BPHL: variants seen among roughly 807,000 people sequenced by gnomAD.
BPHL encodes biphenyl hydrolase like, also known as serine hydrolase BPHL.
BPHL carries 27 observed loss-of-function variants against 31.2 expected under a neutral mutation model. That is an observed-to-expected ratio of 0.87 (90% CI 0.64 to 1.19). The LOEUF (loss-of-function observed/expected upper bound fraction) is 1.19, where lower values mean the gene tolerates loss of function less well. BPHL is among the 50% of genes most tolerant of loss of function. BPHL has a pLI of 0.00. For missense variants in BPHL, 356 were observed against 375.7 expected, an observed-to-expected ratio of 0.95 and a Z score of 0.43; for synonymous variants, 150 against 146.8, an observed-to-expected ratio of 1.02 and a Z score of -0.16.
intron 1 of BPHL, chr6:3,119,596 A>G (rs1427765537): frequency 6.4e-7 from 1 of 1,554,102 alleles, no homozygotes; most frequent in East Asian, 2.2e-5. Context: ...GATACTGGGC[A>G]GAAATGTGGA....
At chr6:3,124,484 C>T (rs1761661412) in intron 2 of BPHL, among the ~76,000 whole-genome samples, 1 of 152,098 alleles carries the variant, frequency 6.6e-6, no homozygotes, top group African/African-American at 2.4e-5. Context: ...ATCCAGGAAG[C>T]CCTCAGATCC....
chr6:3,138,183 CA>C (rs1476586697), intron 5 of BPHL: 7 of 316,774 alleles, frequency 2.2e-5, no homozygotes, highest in Non-Finnish European at 4.3e-5. Context: ...CACACAGGCA[CA>C]TTTTTTTTGT....
intron 4 of BPHL, among the ~76,000 whole-genome samples, chr6:3,131,475 T>C (rs1761865782): frequency 6.6e-6 from 1 of 152,158 alleles, no homozygotes; most frequent in South Asian, 2.1e-4. Context: ...CCTCCAGTTA[T>C]CCTCACCTCT....
At chr6:3,139,393 C>A (rs1197912090) in intron 5 of BPHL, 1 of 152,164 alleles carries the variant, frequency 6.6e-6, no homozygotes, top group Non-Finnish European at 1.5e-5. Flanking sequence ...TTGATCATCA[C>A]GTGATGATGC....
chr6:3,147,316 G>A (rs1762412316), intron 6 of BPHL, among the ~76,000 whole-genome samples: 1 of 152,180 alleles, frequency 6.6e-6, no homozygotes, highest in African/African-American at 2.4e-5. Flanking sequence ...CACTTTTGAG[G>A]ATGGAATGCT....
chr6:3,146,108 G>A lies in BPHL; in HGVS notation c.788+5599G>A, dbSNP rs183963607. ...TGATGTGGGTTGGAGTGCTGGTTCCGGTTGGAGTGCTGGTTCGGGTCGGAG... is the reference window on the plus strand; with the variant it reads ...TGATGTGGGTTGGAGTGCTGGTTCCAGTTGGAGTGCTGGTTCGGGTCGGAG... On this transcript the variant is annotated intron_variant, in intron 6 of 6. Coordinates refer to ENST00000380379, the MANE Select transcript of BPHL (RefSeq NM_004332.4). Among the ~76,000 whole-genome samples the A allele has an allele frequency of 1.5e-4, 9 of 60,910 alleles. 2 individuals are homozygous for A. Among genetic ancestry groups the A allele is most frequent in the Non-Finnish European group, 2.3e-4 (6 of 26,370 alleles). The allele number at this position is 60,910 out of a possible 152,430, so 40.0% of individuals were successfully genotyped here.
In BPHL at chr6:3,123,669, C is replaced by T. The variant is rs114798196; in HGVS notation, c.120C>T (p.Thr40=). 5 of 1,613,418 alleles carry T rather than the reference C, an allele frequency of 3.1e-6. No individual in the cohort carries two copies. The South Asian group carries it at 5.5e-5, about 18-fold the overall frequency. The change falls in exon 2 of 7, where the codon ACC becomes ACT. Residue 40 remains threonine, a synonymous_variant. Transcript: ENST00000380379. ...TTTTCTCTTCTAGCACCTCGGTAAC[C>T]TCTGCCAAAGTGGCTGTGAATGGCG... ...GPAAAFGTSV[T]SAKVAVNGVQ... is the part of the protein sequence containing the mutation.
chr6:3,138,132 C>CCTCA (rs1472211976), intron 5 of BPHL: 8 of 594,628 alleles, frequency 1.3e-5, no homozygotes, highest in Admixed American at 8.1e-5. Flanking sequence ...GATTGCTCTG[C>CCTCA]CTCAGCCTCC....
chr6:3,122,301 AAAAAT>A lies in BPHL; in HGVS notation c.108-1351_108-1347del, dbSNP rs1235125759. On this transcript the variant is annotated intron_variant, in intron 1 of 6. Transcript: ENST00000380379. The stretch of plus-strand genomic sequence containing the variant: ...TCTCAAAAAATAAATAAATAAAAAT[AAAAAT>A]AAAAGGAGATGGTGGTTGATTTCAT... Among the ~76,000 whole-genome samples the A allele has an allele frequency of 2.6e-5, 4 of 152,156 alleles. No homozygotes were observed. In the East Asian group the frequency reaches 7.7e-4, roughly 29 times the overall value.
chr6:3,119,159 C>A, intron 1 of BPHL: 2 of 871,262 alleles, frequency 2.3e-6, no homozygotes, highest in Non-Finnish European at 3.6e-6. Context: ...ATACATTTGC[C>A]TGTAGTATGG....
At chr6:3,146,255 CG>C (rs1762354101) in intron 6 of BPHL, among the ~76,000 whole-genome samples, 1 of 12,248 alleles carries the variant, frequency 8.2e-5, no homozygotes, top group Non-Finnish European at 1.8e-4. Flanking sequence ...TGATTCGGGT[CG>C]GAGTGCTGGT....
At position 3,132,096 on chromosome 6, in the gene BPHL, G is replaced by A. The variant is rs77844700; in HGVS notation, c.532+2898G>A. 3.2e-3 allele frequency among the ~76,000 whole-genome samples: 484 copies of A among 152,204 alleles called. 1 individual carries two copies. Among genetic ancestry groups the A allele is most frequent in the African/African-American group, 0.011 (464 of 41,524 alleles). On this transcript the variant is annotated intron_variant, in intron 4 of 6. Coordinates refer to ENST00000380379, the MANE Select transcript of BPHL (RefSeq NM_004332.4). ...AGCGCAGCACTCTTTACTCTCTGAC[G>A]TCTCGCTACTTCCCCTCCTGGCTAC...
In BPHL at chr6:3,127,272, T is replaced by C. The variant is rs757239256; in HGVS notation, c.242T>C (p.Leu81Pro). 1.1e-5 allele frequency: 18 copies of C among 1,583,550 alleles called. No homozygotes were observed. Among genetic ancestry groups the C allele is most frequent in the Non-Finnish European group, 1.5e-5 (18 of 1,161,710 alleles). Reference protein sequence around the residue: ...GSGETDFGPQLKNLNKKLFTV... With the variant: ...GSGETDFGPQPKNLNKKLFTV... ...GGAGAGACTGATTTTGGACCTCAGC[T>C]CAAGAACCTCAATAAGAAGCTCTTC... is the stretch of plus-strand genomic sequence containing the variant. Residue 81 changes from leucine to proline, a missense_variant, in exon 3 of 7, where the codon CTC (leucine) becomes CCC (proline). Coordinates refer to ENST00000380379, the MANE Select transcript of BPHL (RefSeq NM_004332.4).
At position 3,153,088 on chromosome 6, in the gene BPHL, C is replaced by T. The variant is rs915200450; in HGVS notation, c.*513C>T. Reference sequence around the variant, plus strand: ...GGAATAAAGCCTCTAACTTCAATAGCTATGAAAATTAAATCCGATTTTCTA... The same window carrying T: ...GGAATAAAGCCTCTAACTTCAATAGTTATGAAAATTAAATCCGATTTTCTA... On this transcript the variant is annotated 3_prime_UTR_variant, in exon 7 of 7. Coordinates refer to ENST00000380379, the MANE Select transcript of BPHL (RefSeq NM_004332.4). 6.6e-6 allele frequency: 1 copy of T among 151,988 alleles called. No individual in the cohort carries two copies. The highest frequency in any genetic ancestry group is 1.5e-5 in the Non-Finnish European group (1 of 68,024). 9.4% of individuals were successfully genotyped at this position (151,988 alleles called of 1,614,324 possible). A position where few individuals can be genotyped will look rare whatever the true frequency, so the allele number is the denominator to read the frequency against.
In BPHL at chr6:3,145,899, G is replaced by A. The variant is rs575219180; in HGVS notation, c.788+5390G>A. Among the ~76,000 whole-genome samples, 8 of 65,662 alleles carry A rather than the reference G, an allele frequency of 1.2e-4. 1 individual carries two copies. The highest frequency in any genetic ancestry group is 4.6e-4 in the African/African-American group (8 of 17,394). The allele number at this position is 65,662 out of a possible 152,430, so 43.1% of individuals were successfully genotyped here. On this transcript the variant is annotated intron_variant, in intron 6 of 6. Coordinates refer to ENST00000380379, the MANE Select transcript of BPHL (RefSeq NM_004332.4). ...TTGGGTCGGAGTGCTGGTTTGGGTC[G>A]AGTGCTGGTTTGGGTTGGAGTGCTG...
intron 2 of BPHL, among the ~76,000 whole-genome samples, chr6:3,125,234 G>A (rs1761682808): frequency 6.6e-6 from 1 of 151,928 alleles, no homozygotes; most frequent in East Asian, 1.9e-4. Context: ...TAGTAGAGAC[G>A]AGATTTCACC....
At chr6:3,121,152 A>C (rs1057163717) in intron 1 of BPHL, among the ~76,000 whole-genome samples, 1 of 152,192 alleles carries the variant, frequency 6.6e-6, no homozygotes, top group Admixed American at 6.5e-5. Flanking sequence ...ACAATATATA[A>C]GAGATGTAAA....
Position 3,140,277 on chromosome 6 carries a change from G to T in BPHL, c.665-109G>T. On this transcript the variant is annotated intron_variant, in intron 5 of 6. Transcript: ENST00000380379. This position sits in a 1 kb window ranked among gnomAD's most constrained non-coding sequence, Gnocchi z 5.2. ...TCAAATCCAAAACACAGTTTTTACG[G>T]ATAGGGAAACTGAGGGCCAAGGAGG... 7.1e-7 allele frequency: 1 copy of T among 1,412,994 alleles called. No homozygotes were observed. Among genetic ancestry groups the T allele is most frequent in the Non-Finnish European group, 9.7e-7 (1 of 1,033,246 alleles). 87.5% of individuals were successfully genotyped at this position (1,412,994 alleles called of 1,614,324 possible). A position where few individuals can be genotyped will look rare whatever the true frequency, so the allele number is the denominator to read the frequency against.
chr6:3,123,888 CAAACTT>C lies in BPHL; in HGVS notation c.211+132_211+137del, dbSNP rs111838835. Reference sequence around the variant, plus strand: ...GAAATGTTTTCATATTTGCTACAATCAAACTTAAATGACTTAGAAAAGTAGGTAACT... The same window carrying C: ...GAAATGTTTTCATATTTGCTACAATCAAATGACTTAGAAAAGTAGGTAACT... On this transcript the variant is annotated intron_variant, in intron 2 of 6. Transcript: ENST00000380379. 1.9e-3 allele frequency: 1,496 copies of C among 779,142 alleles called. 15 individuals are homozygous for C. The African/African-American group carries it at 0.024, about 13-fold the overall frequency. 48.3% of individuals were successfully genotyped at this position (779,142 alleles called of 1,614,324 possible).
Sources: allele counts gnomAD v4.1 joint callset (sites outside exome capture counted in the v4.1 genomes callset), GRCh38; gene constraint gnomAD v4.1.1; non-coding constraint Gnocchi (gnomAD v3.1); transcripts MANE v1.5; gene names NCBI Gene and HGNC (gene_info 2026-07-23, HGNC 2026-07-21).